RBFOX1: variants seen among roughly 807,000 people sequenced by gnomAD.
The protein encoded by RBFOX1 is RNA binding fox-1 homolog 1, also known as RNA binding protein fox-1 homolog 1.
Under a neutral mutation model 57.7 loss-of-function variants are expected in RBFOX1, and 8 were observed. The ratio of observed to expected loss-of-function variants is 0.14; its 90% CI spans 0.08 to 0.25. The LOEUF (loss-of-function observed/expected upper bound fraction) is 0.25, where lower values mean the gene tolerates loss of function less well. RBFOX1 is among the 10% of genes least tolerant of loss of function. The pLI, the probability that RBFOX1 is intolerant of heterozygous loss-of-function variation, is 1.00. For missense variants in RBFOX1, 611 were observed against 548.5 expected, an observed-to-expected ratio of 1.11 and a Z score of -1.14; for synonymous variants, 326 against 222.4, an observed-to-expected ratio of 1.47 and a Z score of -4.15.
intron 1 of RBFOX1, among the ~76,000 whole-genome samples, chr16:5,409,448 A>G (rs1298754286): frequency 1.3e-5 from 2 of 152,134 alleles, no homozygotes; most frequent in Admixed American, 6.5e-5. Flanking sequence ...CTTAACAACA[A>G]TGTCTTCTTG....
chr16:6,933,602 A>C (rs1291288045), intron 3 of RBFOX1, among the ~76,000 whole-genome samples: 1 of 152,180 alleles, frequency 6.6e-6, no homozygotes, highest in African/African-American at 2.4e-5. Flanking sequence ...CATCCCAGCT[A>C]CTCCGGAGGC....
intron 1 of RBFOX1, among the ~76,000 whole-genome samples, chr16:5,412,992 C>T (rs117207491): frequency 1.0e-3 from 156 of 152,294 alleles, no homozygotes; most frequent in South Asian, 5.2e-3. Context: ...TGGAGCTGGC[C>T]GTGCCTTCCT....
intron 4 of RBFOX1, among the ~76,000 whole-genome samples, chr16:7,495,398 C>G (rs141661828): frequency 3.3e-4 from 51 of 152,330 alleles, no homozygotes; most frequent in African/African-American, 1.1e-3. Flanking sequence ...ACTCAAACAG[C>G]TTTCCACAGT....
intron 4 of RBFOX1, 106 bp from the exon 5 acceptor site, chr16:7,518,041 C>T (rs2053324299): frequency 2.1e-6 from 3 of 1,423,288 alleles, no homozygotes; most frequent in East Asian, 2.3e-5. Flanking sequence ...ATGGTGACCC[C>T]TAGAAAGTAC....
Position 5,614,306 on chromosome 16 carries a change from T to C in RBFOX1, c.318+15345T>C, listed in dbSNP as rs144944738. Among the ~76,000 whole-genome samples the C allele has an allele frequency of 9.8e-3, 1,489 of 152,228 alleles. 31 individuals carry two copies. Among genetic ancestry groups the C allele is most frequent in the African/African-American group, 0.034 (1,422 of 41,544 alleles). On this transcript the variant is annotated intron_variant, in intron 3 of 19. Transcript: ENST00000641259. ...ACTTCATTTCCCCCTAGGTCTCTCCTGGGGACTACGCAGGAGGGCTCTGGG... is the reference window on the plus strand; with the variant it reads ...ACTTCATTTCCCCCTAGGTCTCTCCCGGGGACTACGCAGGAGGGCTCTGGG...
chr16:7,331,938 G>T (rs889341300), intron 4 of RBFOX1, among the ~76,000 whole-genome samples: 1 of 152,132 alleles, frequency 6.6e-6, no homozygotes, highest in Non-Finnish European at 1.5e-5. Context: ...GTGCTTGAAT[G>T]TATTTTTTAT....
chr16:5,616,232 C>G (rs115386692), intron 3 of RBFOX1: 10,282 of 152,460 alleles, frequency 0.067, 1,172 homozygotes, highest in African/African-American at 0.23. Flanking sequence ...TTCCTGGAAC[C>G]CCAGCACCAC....
chr16:5,640,652 GCATGCATACACATA>G (rs956780325), intron 3 of RBFOX1, among the ~76,000 whole-genome samples: 4 of 147,214 alleles, frequency 2.7e-5, no homozygotes, highest in Non-Finnish European at 6.0e-5. Flanking sequence ...CACATGCACA[GCATGCATACACATA>G]CATGCATACA....
At chr16:7,060,153 A>C (rs1374278235) in intron 4 of RBFOX1, among the ~76,000 whole-genome samples, 1 of 152,200 alleles carries the variant, frequency 6.6e-6, no homozygotes, top group Non-Finnish European at 1.5e-5. Flanking sequence ...TGACTATTTT[A>C]GGACCTGAAG....
chr16:7,026,518 C>T (rs1439409648), intron 3 of RBFOX1, among the ~76,000 whole-genome samples: 1 of 152,006 alleles, frequency 6.6e-6, no homozygotes, highest in African/African-American at 2.4e-5. Context: ...CTGTTTCTAT[C>T]TCTCTCACAC....
intron 3 of RBFOX1, among the ~76,000 whole-genome samples, chr16:5,750,492 C>T (rs1047925590): frequency 7.2e-5 from 11 of 152,244 alleles, no homozygotes; most frequent in Non-Finnish European, 1.5e-4. Flanking sequence ...AGGCAGGCCT[C>T]CTTGAGCTGT....
chr16:7,218,413 G>A (rs1432840821), intron 4 of RBFOX1, among the ~76,000 whole-genome samples: 1 of 152,132 alleles, frequency 6.6e-6, no homozygotes, highest in Non-Finnish European at 1.5e-5. Context: ...GATAGAGATG[G>A]TGAAAGAGGG....
intron 3 of RBFOX1, among the ~76,000 whole-genome samples, chr16:5,830,974 C>G (rs56017849): frequency 0.14 from 20,870 of 152,194 alleles, 1,607 homozygotes; most frequent in Non-Finnish European, 0.16. Context: ...CTATCCCCCC[C>G]CAACTCTGTT....
intron 1 of RBFOX1, among the ~76,000 whole-genome samples, chr16:6,222,696 A>ATTC (rs1469107356): frequency 6.8e-6 from 1 of 148,042 alleles, no homozygotes; most frequent in Non-Finnish European, 1.5e-5. Context: ...TATTATTATT[A>ATTC]TTATTATTAT....
intron 2 of RBFOX1, among the ~76,000 whole-genome samples, chr16:5,593,332 G>T (rs1226644777): frequency 6.6e-6 from 1 of 151,768 alleles, no homozygotes; most frequent in Non-Finnish European, 1.5e-5. Context: ...CACATACCGG[G>T]GCCTGTCAGA....
chr16:5,433,556 AG>A (rs2067818511), intron 1 of RBFOX1, among the ~76,000 whole-genome samples: 1 of 152,244 alleles, frequency 6.6e-6, no homozygotes, highest in Non-Finnish European at 1.5e-5. Context: ...AGAGTAAGTG[AG>A]TGACACAAAG....
chr16:6,859,417 A>C (rs529343747), intron 3 of RBFOX1, among the ~76,000 whole-genome samples: 2 of 151,874 alleles, frequency 1.3e-5, no homozygotes, highest in African/African-American at 4.8e-5. Context: ...ATCATAATTG[A>C]TTTTACTTGT....
rs183616801 is a variant in RBFOX1 at position 7,305,582 on chromosome 16, C to A, written c.28-212565C>A. On this transcript the variant is annotated intron_variant, in intron 4 of 15. Coordinates refer to ENST00000550418, the MANE Select transcript of RBFOX1 (RefSeq NM_018723.4). Reference sequence around the variant, plus strand: ...AACATGAGTGTGTGAACAGAACTTCCTATGCAAGAGTTGAGAGTGGCCCTC... The same window carrying A: ...AACATGAGTGTGTGAACAGAACTTCATATGCAAGAGTTGAGAGTGGCCCTC... 5.3e-3 allele frequency among the ~76,000 whole-genome samples: 811 copies of A among 152,268 alleles called. 5 individuals are homozygous for A. The highest frequency in any genetic ancestry group is 0.019 in the African/African-American group (773 of 41,544).
chr16:6,875,218 ATAT>A (rs1249283154), intron 3 of RBFOX1, among the ~76,000 whole-genome samples: 2 of 152,194 alleles, frequency 1.3e-5, no homozygotes, highest in Non-Finnish European at 2.9e-5. Flanking sequence ...GATGATGATG[ATAT>A]TATCACTATT....
Sources: gnomAD v4.1 joint callset for allele counts (sites outside exome capture counted in the v4.1 genomes callset) on GRCh38, gnomAD v4.1.1 for gene constraint, MANE v1.5 for transcripts, NCBI Gene and HGNC (gene_info 2026-07-23, HGNC 2026-07-21) for gene names.